Variants in MAEL observed in about 807,000 individuals in gnomAD.
The protein encoded by MAEL is protein maelstrom homolog.
In MAEL, 46 loss-of-function variants were observed where a neutral mutation model predicts 62.0. That is an observed-to-expected ratio of 0.74 (90% CI 0.59 to 0.95). The LOEUF (loss-of-function observed/expected upper bound fraction) is 0.95, where lower values mean the gene tolerates loss of function less well. Ranked by LOEUF, MAEL falls within the 40% of genes least tolerant of loss-of-function variation. MAEL has a pLI of 0.00. For synonymous variants in MAEL, 172 were observed against 175.5 expected (o/e 0.98, Z 0.16); for missense variants, 497 against 526.8 (o/e 0.94, Z 0.55).
intron 5 of MAEL, among the ~76,000 whole-genome samples, chr1:167,002,981 A>G (rs1449017897): frequency 6.6e-6 from 1 of 152,170 alleles, no homozygotes; most frequent in African/African-American, 2.4e-5. Flanking sequence ...TTTTGGGCCC[A>G]TGATTCATTC....
intron 1 of MAEL, among the ~76,000 whole-genome samples, chr1:166,983,179 A>T (rs1311986762): frequency 6.6e-6 from 1 of 152,172 alleles, no homozygotes; most frequent in African/African-American, 2.4e-5. Context: ...TGCTTAAAAT[A>T]GAGGCTGGTA....
Position 166,982,751 on chromosome 1 carries a change from T to C in MAEL, c.-120-6650T>C, listed in dbSNP as rs1402164842. Among the ~76,000 whole-genome samples the C allele has an allele frequency of 2.6e-5, 4 of 152,208 alleles. No homozygotes were observed. The East Asian group carries it at 7.7e-4, about 29-fold the overall frequency. Reference sequence around the variant, plus strand: ...GTCCTTATGGAGGCCCTGTAAATCCTGTATGATCTGGCCCTACCTCCCTCT... The same window carrying C: ...GTCCTTATGGAGGCCCTGTAAATCCCGTATGATCTGGCCCTACCTCCCTCT... On this transcript the variant is annotated intron_variant, in intron 1 of 12. Transcript: ENST00000622874.
intron 5 of MAEL, among the ~76,000 whole-genome samples, chr1:166,997,178 T>A (rs1664466596): frequency 6.6e-6 from 1 of 152,196 alleles, no homozygotes; most frequent in Non-Finnish European, 1.5e-5. Flanking sequence ...TAAAATACAC[T>A]AACACTAATA....
intron 4 of MAEL, among the ~76,000 whole-genome samples, chr1:166,993,515 AAATT>A (rs1164514100): frequency 6.6e-6 from 1 of 152,310 alleles, no homozygotes; most frequent in East Asian, 1.9e-4. Context: ...AATTACTTTA[AAATT>A]AATTAGGACA....
intron 9 of MAEL, among the ~76,000 whole-genome samples, chr1:167,016,907 A>G (rs1665418961): frequency 6.6e-6 from 1 of 152,178 alleles, no homozygotes; most frequent in African/African-American, 2.4e-5. Flanking sequence ...TCATGTGCTC[A>G]CTTATTTGTG....
At chr1:167,019,220 C>CG (rs1665519241) in intron 10 of MAEL, among the ~76,000 whole-genome samples, 1 of 152,142 alleles carries the variant, frequency 6.6e-6, no homozygotes, top group Non-Finnish European at 1.5e-5. Context: ...GTTAAGCACT[C>CG]TATCTATACA....
At chr1:167,021,589 A>G (rs1450971518) in intron 11 of MAEL, 79 bp from the exon 12 acceptor site, 2 of 962,520 alleles carry the variant, frequency 2.1e-6, no homozygotes, top group Admixed American at 5.7e-5. Flanking sequence ...CAGTAGGATG[A>G]GTCAGTTAAT....
chr1:166,991,292 T>G, intron 2 of MAEL, 86 bp from the exon 3 acceptor site: 1 of 803,384 alleles, frequency 1.2e-6, no homozygotes, highest in Non-Finnish European at 2.2e-6. Flanking sequence ...TATAGGCTGT[T>G]TTGCAGTTAT....
chr1:166,988,563 T>G (rs1290204880), upstream of MAEL, among the ~76,000 whole-genome samples: 1 of 151,978 alleles, frequency 6.6e-6, no homozygotes, highest in African/African-American at 2.4e-5. Flanking sequence ...CGATGTAAAC[T>G]AGTATAAGAG....
chr1:166,995,354 C>A (rs1418956065), intron 5 of MAEL, among the ~76,000 whole-genome samples: 1 of 151,996 alleles, frequency 6.6e-6, no homozygotes, highest in African/African-American at 2.4e-5. Context: ...AATTCTCCTG[C>A]CTCGCCTCCC....
chr1:166,982,492 T>C (rs994788010), intron 1 of MAEL, among the ~76,000 whole-genome samples: 4 of 152,152 alleles, frequency 2.6e-5, no homozygotes, highest in African/African-American at 7.2e-5. Flanking sequence ...CTATTATTAC[T>C]ACTATTATTA....
intron 8 of MAEL, among the ~76,000 whole-genome samples, chr1:167,008,447 T>A (rs1246676687): frequency 6.6e-6 from 1 of 152,108 alleles, no homozygotes; most frequent in African/African-American, 2.4e-5. Flanking sequence ...AAAATTTTTT[T>A]AAATTTCATC....
chr1:167,002,644 C>T (rs1316135722), intron 5 of MAEL, among the ~76,000 whole-genome samples: 2 of 152,248 alleles, frequency 1.3e-5, no homozygotes, highest in East Asian at 3.9e-4. Context: ...GGGTTTCAGA[C>T]ATCACAAAAG....
At chr1:166,991,981 AATT>A (rs2102070876) in intron 3 of MAEL, among the ~76,000 whole-genome samples, 1 of 152,292 alleles carries the variant, frequency 6.6e-6, no homozygotes, top group Admixed American at 6.5e-5. Context: ...ATATGTATAT[AATT>A]ATTATTTGTC....
chr1:166,999,292 A>G (rs559113138), intron 5 of MAEL, among the ~76,000 whole-genome samples: 74 of 152,348 alleles, frequency 4.9e-4, no homozygotes, highest in African/African-American at 1.7e-3. Flanking sequence ...AAATTTATGT[A>G]CTACTCCAGT....
Position 167,021,056 on chromosome 1 carries a change from TC to T in MAEL, c.1042-24del, listed in dbSNP as rs778421876. The T allele has an allele frequency of 4.8e-5, 72 of 1,509,924 alleles. 1 individual carries two copies. In the South Asian group the frequency reaches 7.7e-4, roughly 16 times the overall value. The allele number at this position is 1,509,924 out of a possible 1,614,324, so 93.5% of individuals were successfully genotyped here. ...GTAATGAATAAGAAATAAACATTTT[TC>T]CCCCTGGTATTTTCCTGTTACTTAC... On this transcript the variant is annotated intron_variant, in intron 10 of 11. Coordinates refer to ENST00000367872, the MANE Select transcript of MAEL (RefSeq NM_032858.3).
chr1:167,019,166 G>A (rs1035148588), intron 10 of MAEL, among the ~76,000 whole-genome samples: 3 of 152,082 alleles, frequency 2.0e-5, no homozygotes, highest in Non-Finnish European at 2.9e-5. Context: ...CACATCTGGG[G>A]AGGGGGTGCC....
In MAEL at chr1:167,001,540, A is replaced by G. The variant is rs1664666682; in HGVS notation, c.524-2640A>G. 2.6e-5 allele frequency among the ~76,000 whole-genome samples: 4 copies of G among 152,246 alleles called. No homozygotes were observed. In the South Asian group the frequency reaches 8.3e-4, roughly 32 times the overall value. On this transcript the variant is annotated intron_variant, in intron 5 of 11. Coordinates refer to ENST00000367872, the MANE Select transcript of MAEL (RefSeq NM_032858.3). ...TTAAGGTATGTTCATTTTTAAAACA[A>G]TGCTACTGCACACTTAATATAGTCA...
intron 9 of MAEL, among the ~76,000 whole-genome samples, chr1:167,017,256 T>C (rs748942874): frequency 1.4e-4 from 21 of 152,174 alleles, no homozygotes; most frequent in Non-Finnish European, 2.2e-4. Context: ...CCCATAAATA[T>C]ATGCACCTAC....
Sources: gnomAD v4.1 joint callset for allele counts (sites outside exome capture counted in the v4.1 genomes callset) on GRCh38, gnomAD v4.1.1 for gene constraint, MANE v1.5 for transcripts, NCBI Gene and HGNC (gene_info 2026-07-23, HGNC 2026-07-21) for gene names.